Variants in LUZP2 observed in about 807,000 individuals in gnomAD.
LUZP2 encodes the protein leucine zipper protein 2.
In LUZP2, 52 loss-of-function variants were observed where a neutral mutation model predicts 51.6. That is an observed-to-expected ratio of 1.01 (90% CI 0.81 to 1.27). LUZP2 has a LOEUF of 1.27. LUZP2 is among the 50% of genes most tolerant of loss of function. The pLI is 0.00. For missense variants in LUZP2, 436 were observed against 395.4 expected (o/e 1.10, Z -0.87); for synonymous variants, 154 against 137.3 (o/e 1.12, Z -0.85).
intron 1 of LUZP2, among the ~76,000 whole-genome samples, chr11:24,561,473 T>A (rs961951120): frequency 4.6e-5 from 7 of 152,144 alleles, no homozygotes; most frequent in Admixed American, 1.3e-4. Context: ...ACTCTGCTCC[T>A]TTTCACTGTT....
chr11:24,881,726 A>G (rs975243566), intron 5 of LUZP2, among the ~76,000 whole-genome samples: 2 of 152,082 alleles, frequency 1.3e-5, no homozygotes. Flanking sequence ...GTTAATAGTC[A>G]TGATATTTTC....
intron 5 of LUZP2, among the ~76,000 whole-genome samples, chr11:24,901,567 T>C (rs1483560955): frequency 1.3e-5 from 2 of 152,206 alleles, no homozygotes; most frequent in Non-Finnish European, 2.9e-5. Flanking sequence ...GACCAAACTT[T>C]AGACAGACTC....
At chr11:24,959,233 T>TG (rs1396978517) in intron 7 of LUZP2, among the ~76,000 whole-genome samples, 16 of 152,260 alleles carry the variant, frequency 1.1e-4, no homozygotes, top group African/African-American at 3.9e-4. Context: ...GACTTGGCGA[T>TG]GCGGGCTCTT....
chr11:24,757,694 T>G (rs1859826488), intron 4 of LUZP2, among the ~76,000 whole-genome samples: 1 of 151,896 alleles, frequency 6.6e-6, no homozygotes, highest in Non-Finnish European at 1.5e-5. Flanking sequence ...AAAAAGGTTA[T>G]GATAAAAATT....
intron 5 of LUZP2, among the ~76,000 whole-genome samples, chr11:24,812,894 G>A (rs1408187955): frequency 6.6e-6 from 1 of 152,134 alleles, no homozygotes; most frequent in East Asian, 1.9e-4. Flanking sequence ...GAATTCTTAA[G>A]TACAGCAAAC....
chr11:24,500,030 A>G (rs1195322572), intron 1 of LUZP2, among the ~76,000 whole-genome samples: 2 of 152,154 alleles, frequency 1.3e-5, no homozygotes, highest in Non-Finnish European at 2.9e-5. Flanking sequence ...ACATTTTTGA[A>G]TAGCTTTCTC....
chr11:24,666,015 ATG>A (rs1244940515), intron 1 of LUZP2, among the ~76,000 whole-genome samples: 1 of 152,110 alleles, frequency 6.6e-6, no homozygotes, highest in Non-Finnish European at 1.5e-5. Flanking sequence ...AATTTTACTG[ATG>A]CAGGTAGTCT....
At chr11:25,039,165 G>T (rs1255457237) in intron 9 of LUZP2, among the ~76,000 whole-genome samples, 1 of 152,142 alleles carries the variant, frequency 6.6e-6, no homozygotes, top group Non-Finnish European at 1.5e-5. Context: ...GATCTTTCAG[G>T]TGTTGGGGCT....
At chr11:24,738,121 C>T (rs1329851243) in intron 3 of LUZP2, 100 bp from the exon 4 acceptor site, 1 of 765,146 alleles carries the variant, frequency 1.3e-6, no homozygotes, top group East Asian at 2.7e-5. Flanking sequence ...TTGTCTATGT[C>T]CTAAATGTAT....
At chr11:24,510,466 C>A (rs144224821) in intron 1 of LUZP2, among the ~76,000 whole-genome samples, 1 of 152,100 alleles carries the variant, frequency 6.6e-6, no homozygotes, top group African/African-American at 2.4e-5. Flanking sequence ...TTTTGGAATG[C>A]GTCAGAAAAT....
chr11:25,042,920 C>A (rs560032997), intron 9 of LUZP2, among the ~76,000 whole-genome samples: 1 of 152,262 alleles, frequency 6.6e-6, no homozygotes, highest in South Asian at 2.1e-4. Flanking sequence ...GCTATAACCA[C>A]CACGGTATAG....
chr11:24,736,086 T>C (rs990916891), intron 3 of LUZP2, among the ~76,000 whole-genome samples: 4 of 151,982 alleles, frequency 2.6e-5, no homozygotes, highest in African/African-American at 4.8e-5. Flanking sequence ...TTCAGAATTC[T>C]CTATCTTTTC....
At chr11:24,548,453 G>A (rs1205450162) in intron 1 of LUZP2, among the ~76,000 whole-genome samples, 1 of 152,020 alleles carries the variant, frequency 6.6e-6, no homozygotes, top group East Asian at 1.9e-4. Flanking sequence ...TGCAGGAAGA[G>A]AAAACCAAAT....
intron 5 of LUZP2, among the ~76,000 whole-genome samples, chr11:24,827,359 C>G (rs1030912433): frequency 2.0e-5 from 3 of 152,054 alleles, no homozygotes; most frequent in African/African-American, 4.8e-5. Context: ...TGTAGATATA[C>G]TACAAAAAGA....
intron 1 of LUZP2, among the ~76,000 whole-genome samples, chr11:24,574,946 A>T (rs980571902): frequency 6.6e-6 from 1 of 152,150 alleles, no homozygotes; most frequent in Non-Finnish European, 1.5e-5. Flanking sequence ...ATATAGTCAG[A>T]AAGAAACTGA....
chr11:24,953,953 C>A (rs1855145850), intron 7 of LUZP2, among the ~76,000 whole-genome samples: 1 of 151,566 alleles, frequency 6.6e-6, no homozygotes, highest in Admixed American at 6.6e-5. Context: ...ATTAATATAA[C>A]CATACAAATA....
intron 6 of LUZP2, among the ~76,000 whole-genome samples, chr11:24,907,037 G>A (rs1790353479): frequency 6.6e-6 from 1 of 152,012 alleles, no homozygotes; most frequent in African/African-American, 2.4e-5. Flanking sequence ...ATCTTTTTCT[G>A]CCACTATCCT....
At chr11:24,870,577 G>A in intron 5 of LUZP2, among the ~76,000 whole-genome samples, 1 of 151,914 alleles carries the variant, frequency 6.6e-6, no homozygotes, top group East Asian at 1.9e-4. Context: ...TCTTAAATGT[G>A]TAATTCCCAG....
At chr11:24,565,150 A>G (rs1348722549) in intron 1 of LUZP2, among the ~76,000 whole-genome samples, 2 of 152,192 alleles carry the variant, frequency 1.3e-5, no homozygotes, top group African/African-American at 4.8e-5. Flanking sequence ...TCACTGATGT[A>G]CCAGGCAGTT....
Sources: gnomAD v4.1 joint callset for allele counts (sites outside exome capture counted in the v4.1 genomes callset) on GRCh38, gnomAD v4.1.1 for gene constraint, MANE v1.5 for transcripts, NCBI Gene and HGNC (gene_info 2026-07-23, HGNC 2026-07-21) for gene names.